Variants in CEP295 observed in about 807,000 individuals in gnomAD.
The protein encoded by CEP295 is centrosomal protein 295.
CEP295 carries 190 observed loss-of-function variants against 291.6 expected under a neutral mutation model. The observed-to-expected ratio is 0.65, with a 90% CI of 0.58 to 0.73. CEP295 has a LOEUF of 0.73. CEP295 is among the 30% of genes least tolerant of loss of function. The pLI is 0.00. For missense variants in CEP295, 2,863 were observed against 2,949.4 expected, an observed-to-expected ratio of 0.97 and a Z score of 0.68; for synonymous variants, 993 against 1,038.8, an observed-to-expected ratio of 0.96 and a Z score of 0.85.
At chr11:93,691,841 A>C in intron 11 of CEP295, 66 bp downstream of exon 11, 1 of 1,292,122 alleles carries the variant, frequency 7.7e-7, no homozygotes, top group Non-Finnish European at 1.1e-6. Flanking sequence ...AAATAAAATT[A>C]CATGTGATAT....
At position 93,702,624 on chromosome 11, in the gene CEP295, T is replaced by G; in HGVS notation, c.5439T>G (p.Ser1813Arg). 1 of 1,543,518 alleles carries G rather than the reference T, an allele frequency of 6.5e-7. No homozygotes were observed. Among genetic ancestry groups the G allele is most frequent in the Non-Finnish European group, 8.7e-7 (1 of 1,144,186 alleles). The change falls in exon 16 of 30, where the codon AGT (serine) becomes AGG (arginine). Residue 1813 changes from serine to arginine, a missense_variant. Ser to Arg is a moderately radical substitution (Grantham distance 110). Around this residue, in one of 3 missense-constraint regions of CEP295, gnomAD observed 2,295 missense variants for 2,335.7 expected, o/e 0.98. Transcript: ENST00000325212. ...DDNHLASEDTSAKQSGEHLEK... is the reference protein window; with the variant it reads ...DDNHLASEDTRAKQSGEHLEK... ...ATCATTTGGCTTCAGAAGATACTAG[T>G]GCCAAGCAAAGTGGTAAGATAATTG...
Position 93,711,392 on chromosome 11 carries a change from A to G in CEP295, c.5749+4495A>G, listed in dbSNP as rs142353776. 1.6e-3 allele frequency among the ~76,000 whole-genome samples: 241 copies of G among 152,270 alleles called. 10 individuals are homozygous for G. In the East Asian group the frequency reaches 0.044, roughly 28 times the overall value. ...TTCAGGAGCATACTGTTTAACTTCCATGTGTTTGTATAGTTTCCAAAATTT... is the reference window on the plus strand; with the variant it reads ...TTCAGGAGCATACTGTTTAACTTCCGTGTGTTTGTATAGTTTCCAAAATTT... On this transcript the variant is annotated intron_variant, in intron 18 of 29. Transcript: ENST00000325212.
chr11:93,702,138 TAGTAGAGACGGGATTTC>T (rs926247498), intron 15 of CEP295, among the ~76,000 whole-genome samples: 15 of 152,098 alleles, frequency 9.9e-5, no homozygotes, highest in Non-Finnish European at 5.9e-5. Context: ...TTTGTATTTT[TAGTAGAGACGGGATTTC>T]ACCATGTTGG....
intron 23 of CEP295, chr11:93,726,730 C>T (rs1486418558): frequency 5.9e-6 from 2 of 338,444 alleles, no homozygotes; most frequent in Admixed American, 8.9e-5. Flanking sequence ...AGGAAAACAT[C>T]CTCAGTTTAT....
At chr11:93,708,793 C>T in intron 18 of CEP295, among the ~76,000 whole-genome samples, 1 of 152,202 alleles carries the variant, frequency 6.6e-6, no homozygotes, top group East Asian at 1.9e-4. Flanking sequence ...CTCACCACAT[C>T]TTTGCAAAAC....
At chr11:93,700,612 T>G (rs1192132048) in intron 15 of CEP295, among the ~76,000 whole-genome samples, 2 of 151,672 alleles carry the variant, frequency 1.3e-5, no homozygotes, top group African/African-American at 4.8e-5. Flanking sequence ...TTTTTTTTTT[T>G]TAATAGAGAC....
rs770608949 is a variant in CEP295 at position 93,724,326 on chromosome 11, TATC to T, written c.6279_6281del (p.Ser2095del). 170 of 1,550,176 alleles carry T rather than the reference TATC, an allele frequency of 1.1e-4. No homozygotes were observed. Among genetic ancestry groups the T allele is most frequent in the Non-Finnish European group, 1.4e-4 (155 of 1,145,578 alleles). ...TTAGAACCACATCCAGATTTTGACT[TATC>T]ATCATCATCCTCTGGGATTTCTCCA... On this transcript the variant is annotated inframe_deletion, in exon 22 of 30. Transcript: ENST00000325212.
chr11:93,717,415 G>A (rs934816951), intron 18 of CEP295, among the ~76,000 whole-genome samples: 7 of 152,174 alleles, frequency 4.6e-5, no homozygotes, highest in Admixed American at 1.3e-4. Context: ...GGGCAACCAC[G>A]AGGCATCTCA....
chr11:93,723,333 A>T, intron 21 of CEP295, 44 bp downstream of exon 21: 1 of 1,337,024 alleles, frequency 7.5e-7, no homozygotes, highest in Non-Finnish European at 1.0e-6. Flanking sequence ...ATTAAGTTTT[A>T]AATTTTCACC....
chr11:93,696,374 C>T lies in CEP295; in HGVS notation c.1726C>T (p.Gln576Ter). The T allele has an allele frequency of 6.4e-7, 1 of 1,550,454 alleles. No individual in the cohort carries two copies. Among genetic ancestry groups the T allele is most frequent in the Non-Finnish European group, 8.7e-7 (1 of 1,146,074 alleles). Residue 576 changes from glutamine to a stop codon, truncating the protein, a stop_gained, in exon 14 of 30, where the codon CAG (glutamine) becomes TAG (stop). Transcript: ENST00000325212. LOFTEE classifies it high-confidence loss of function. ...PVISDEDSHRQMIRNYQHQLL... is the reference protein window; with the variant it reads ...PVISDEDSHR ...AATTTCTGATGAAGATAGTCATAGG[C>T]AGATGATTCGTAACTATCAACATCA...
In CEP295 at chr11:93,729,797, A is replaced by T. The variant is rs1323685759; in HGVS notation, c.7567+16A>T. The T allele has an allele frequency of 4.6e-6, 7 of 1,536,058 alleles. No individual in the cohort carries two copies. In the African/African-American group the frequency reaches 5.6e-5, roughly 12 times the overall value. On this transcript the variant is annotated intron_variant, in intron 27 of 29. Transcript: ENST00000325212. ...CCATCTATAAGTATGTTGAATTTTT[A>T]AAATCTTCAACCAACTCCCTGAAAT...
chr11:93,687,850 T>C lies in CEP295; in HGVS notation c.1321T>C (p.Ser441Pro). Residue 441 changes from serine to proline, a missense_variant, in exon 10 of 30, where the codon TCT becomes CCT. Physicochemically the swap from Ser to Pro is moderately conservative, Grantham distance 74. Around this residue, in one of 3 missense-constraint regions of CEP295, gnomAD observed 554 missense variants for 576.0 expected, o/e 0.96. Transcript: ENST00000325212. The part of the protein sequence containing the change: ...TIASKERTLS[S>P]GQEQVVESDT... ...TGCCAGCAAAGAGAGAACGTTATCC[T>C]CTGGGCAGGAACAAGGTATTTCTCT... The C allele has an allele frequency of 3.2e-6, 5 of 1,550,114 alleles. No homozygotes were observed. Among genetic ancestry groups the C allele is most frequent in the Non-Finnish European group, 4.4e-6 (5 of 1,146,068 alleles).
intron 24 of CEP295, 61 bp from the exon 25 acceptor site, chr11:93,728,608 TATATACAAAACG>T: frequency 7.4e-7 from 1 of 1,354,902 alleles, no homozygotes; most frequent in South Asian, 1.6e-5. Flanking sequence ...AAATGTGCAT[TATATACAAAACG>T]ATTAGTTTAA....
rs1006794825 is a variant in CEP295 at position 93,696,757 on chromosome 11, A to G, written c.1845A>G (p.Pro615=). ...AAACTATGTTAAAAGGAAGGTGCCC[A>G]TCGGTGTCAGCTCCATCATTGATAA... ...EYQTMLKGRC[P]SVSAPSLITD... Residue 615 remains proline (P), a synonymous_variant, in exon 15 of 30, where the codon CCA becomes CCG. Coordinates refer to ENST00000325212, the MANE Select transcript of CEP295 (RefSeq NM_033395.2). 3 of 1,551,518 alleles carry G rather than the reference A, an allele frequency of 1.9e-6. No individual in the cohort carries two copies. Among genetic ancestry groups the G allele is most frequent in the Non-Finnish European group, 2.6e-6 (3 of 1,146,870 alleles).
rs1954188544 is a variant in CEP295 at position 93,726,922 on chromosome 11, C to T, written c.6500-54C>T. The T allele has an allele frequency of 8.0e-6, 11 of 1,377,024 alleles. No individual in the cohort carries two copies. In the South Asian group the frequency reaches 1.4e-4, roughly 17 times the overall value. The allele number at this position is 1,377,024 out of a possible 1,614,324, so 85.3% of individuals were successfully genotyped here. Reference sequence around the variant, plus strand: ...TAAACTATTAGAGACTGTCAGTATCCAACTTTTACAACATGTAACGATGAT... The same window carrying T: ...TAAACTATTAGAGACTGTCAGTATCTAACTTTTACAACATGTAACGATGAT... On this transcript the variant is annotated intron_variant, in intron 23 of 29. Transcript: ENST00000325212.
chr11:93,712,171 CTT>C (rs762828981), intron 18 of CEP295, among the ~76,000 whole-genome samples: 14 of 151,862 alleles, frequency 9.2e-5, no homozygotes, highest in Non-Finnish European at 2.1e-4. Context: ...GTTACATCCT[CTT>C]GCTGAATTAA....
intron 18 of CEP295, chr11:93,719,644 C>T (rs540717061): frequency 2.0e-4 from 30 of 152,142 alleles, no homozygotes; most frequent in African/African-American, 7.2e-4. Flanking sequence ...TGATTATTTA[C>T]AGTCAGTTAC....
At chr11:93,690,733 A>G (rs1268494223) in intron 10 of CEP295, among the ~76,000 whole-genome samples, 3 of 146,494 alleles carry the variant, frequency 2.0e-5, no homozygotes. Flanking sequence ...CCGTCTCAAA[A>G]AAAAAAAAAA....
At chr11:93,668,674 G>A (rs1950297073) in intron 3 of CEP295, 134 bp from the exon 4 acceptor site, 3 of 642,992 alleles carry the variant, frequency 4.7e-6, no homozygotes, top group African/African-American at 3.8e-5. Context: ...TGGTACTGTT[G>A]TCATGCTCTG....
Sources: gnomAD v4.1 joint callset for allele counts (sites outside exome capture counted in the v4.1 genomes callset) on GRCh38, gnomAD v4.1.1 for gene constraint, gnomAD v4.1.1 regional missense constraint, MANE v1.5 for transcripts, NCBI Gene and HGNC (gene_info 2026-07-23, HGNC 2026-07-21) for gene names.